The following CDH23 variants were observed in gnomAD, a reference collection of about 807,000 sequenced individuals.
CDH23 encodes cadherin-23.
Under a neutral mutation model 317.1 loss-of-function variants are expected in CDH23, and 189 were observed. The observed-to-expected ratio is 0.60, with a 90% CI of 0.53 to 0.67. CDH23 has a LOEUF of 0.67. Among genes scored for constraint, CDH23 ranks in the 30% least tolerant of loss-of-function variants. The probability of loss-of-function intolerance (pLI) is 0.00; values close to 1 mark genes in which losing one functional copy is unlikely to be tolerated. For missense variants in CDH23, 4,401 were observed against 4,592.4 expected, an observed-to-expected ratio of 0.96 and a Z score of 1.20; for synonymous variants, 1,839 against 1,876.8, an observed-to-expected ratio of 0.98 and a Z score of 0.52.
intron 9 of CDH23, among the ~76,000 whole-genome samples, chr10:71,597,964 G>A (rs537955477): frequency 1.3e-5 from 2 of 152,284 alleles, no homozygotes; most frequent in South Asian, 4.1e-4. Context: ...GGAGGGGAGG[G>A]CCTGGCCATA....
intron 33 of CDH23, 111 bp from the exon 34 acceptor site, chr10:71,734,545 G>T (rs759770181): frequency 6.2e-7 from 1 of 1,605,808 alleles, no homozygotes; most frequent in East Asian, 2.2e-5. Context: ...GTGGAGGGTG[G>T]CACCTCCAGA....
In CDH23 at chr10:71,471,502, T is replaced by C. The variant is rs573000296; in HGVS notation, c.145+25107T>C. ...CCTTTATGTGCTCTCTGTGGTGCGA[T>C]TTCCCTCATATTTGCTTTATGACCA... On this transcript the variant is annotated intron_variant, in intron 3 of 69. Coordinates refer to ENST00000224721, the MANE Select transcript of CDH23 (RefSeq NM_022124.6). Among the ~76,000 whole-genome samples, 61 of 151,130 alleles carry C rather than the reference T, an allele frequency of 4.0e-4. 1 individual carries two copies. The South Asian group carries it at 0.013, about 32-fold the overall frequency.
chr10:71,464,492 C>A (rs1851153634), intron 3 of CDH23, among the ~76,000 whole-genome samples: 1 of 152,222 alleles, frequency 6.6e-6, no homozygotes, highest in Non-Finnish European at 1.5e-5. Flanking sequence ...TGCTGCACTT[C>A]CTGGATGCTC....
chr10:71,787,942 T>C (rs1841148372), intron 44 of CDH23, among the ~76,000 whole-genome samples: 1 of 152,272 alleles, frequency 6.6e-6, no homozygotes, highest in Admixed American at 6.5e-5. Context: ...TAATTCTGTC[T>C]TTAGTTCTTT....
At chr10:71,809,673 G>T (rs1232505523) in intron 60 of CDH23, 147 bp from the exon 61 acceptor site, 33 of 1,120,292 alleles carry the variant, frequency 2.9e-5, no homozygotes, top group Non-Finnish European at 3.7e-5. Context: ...GTTCCCACTT[G>T]CCTGTCACCT....
intron 14 of CDH23, among the ~76,000 whole-genome samples, chr10:71,667,842 G>T (rs1265332796): frequency 1.3e-5 from 2 of 152,134 alleles, no homozygotes; most frequent in Non-Finnish European, 2.9e-5. Context: ...GCACCAGAGG[G>T]CCGGGAGCTG....
At chr10:71,658,673 T>A (rs1863518991) in intron 14 of CDH23, among the ~76,000 whole-genome samples, 1 of 152,206 alleles carries the variant, frequency 6.6e-6, no homozygotes, top group Admixed American at 6.5e-5. Flanking sequence ...CTGTCTCTTC[T>A]GTACCCATTG....
chr10:71,648,970 G>A (rs1360262203), intron 14 of CDH23, among the ~76,000 whole-genome samples: 6 of 152,302 alleles, frequency 3.9e-5, no homozygotes, highest in East Asian at 3.9e-4. Flanking sequence ...TGGGGACCCC[G>A]CGTGCTGGCC....
rs368064278 is a variant in CDH23 at position 71,734,276 on chromosome 10, A to G, written c.4141A>G (p.Lys1381Glu). 3 of 1,612,482 alleles carry G rather than the reference A, an allele frequency of 1.9e-6. No homozygotes were observed. ...ITVQGLVDRE[K>E]GDFYTLTVVA... ...AGTCCAGGGCCTGGTGGACCGTGAG[A>G]AGGGCGACTTCTATACCTTGACAGT... Residue 1381 changes from lysine to glutamate, a missense_variant, in exon 33 of 70, where the codon AAG (lysine) becomes GAG (glutamate). Coordinates refer to ENST00000224721, the MANE Select transcript of CDH23 (RefSeq NM_022124.6).
intron 14 of CDH23, among the ~76,000 whole-genome samples, chr10:71,651,592 G>T (rs1438223240): frequency 6.6e-6 from 1 of 151,624 alleles, no homozygotes; most frequent in Non-Finnish European, 1.5e-5. Flanking sequence ...AACAGCATGT[G>T]CAAAGGCCCC....
intron 22 of CDH23, among the ~76,000 whole-genome samples, chr10:71,700,886 G>C (rs901279424): frequency 3.9e-5 from 6 of 152,204 alleles, no homozygotes; most frequent in Non-Finnish European, 7.4e-5. Context: ...CTCTGGCTGG[G>C]GATTAAGCAG....
At chr10:71,582,887 C>A (rs1244189731) in intron 9 of CDH23, among the ~76,000 whole-genome samples, 2 of 152,180 alleles carry the variant, frequency 1.3e-5, no homozygotes, top group Non-Finnish European at 1.5e-5. Flanking sequence ...AGCTTTAATA[C>A]CTCGGTGGAA....
At chr10:71,414,047 T>TTTTGTG in intron 1 of CDH23, among the ~76,000 whole-genome samples, 1 of 142,994 alleles carries the variant, frequency 7.0e-6, no homozygotes, top group Middle Eastern at 3.6e-3. Context: ...CTCCTGGGTT[T>TTTTGTG]TGTGTGTGTG....
chr10:71,791,055 C>T, intron 46 of CDH23, 77 bp from the exon 47 acceptor site: 2 of 1,135,590 alleles, frequency 1.8e-6, no homozygotes, highest in Non-Finnish European at 2.5e-6. Context: ...TCTGCTCTCT[C>T]CCTGTTGGTT....
intron 44 of CDH23, among the ~76,000 whole-genome samples, chr10:71,786,499 T>C (rs2132941851): frequency 6.8e-6 from 1 of 147,226 alleles, no homozygotes; most frequent in Non-Finnish European, 1.5e-5. Flanking sequence ...TTTTTTTTTT[T>C]TTTTTTTTTT....
chr10:71,460,129 C>G (rs1474323256), intron 3 of CDH23, among the ~76,000 whole-genome samples: 1 of 152,256 alleles, frequency 6.6e-6, no homozygotes, highest in East Asian at 1.9e-4. Context: ...AGCTGCTGAG[C>G]TGAATTCAAG....
intron 9 of CDH23, among the ~76,000 whole-genome samples, chr10:71,591,285 G>A (rs1301308097): frequency 2.6e-5 from 4 of 152,180 alleles, no homozygotes; most frequent in Non-Finnish European, 5.9e-5. Flanking sequence ...GCATGGATGG[G>A]GCGTGAAATA....
At chr10:71,618,912 A>G (rs1861331709) in intron 11 of CDH23, among the ~76,000 whole-genome samples, 1 of 152,224 alleles carries the variant, frequency 6.6e-6, no homozygotes, top group Admixed American at 6.5e-5. Flanking sequence ...TCTGTCTGAG[A>G]TAACTAAAGT....
At chr10:71,438,917 G>A (rs1849745219) in intron 1 of CDH23, among the ~76,000 whole-genome samples, 1 of 152,232 alleles carries the variant, frequency 6.6e-6, no homozygotes, top group Admixed American at 6.5e-5. Context: ...CAGTTCTGTA[G>A]GAGGTTAGGA....
Sources: allele counts gnomAD v4.1 joint callset (sites outside exome capture counted in the v4.1 genomes callset), GRCh38; gene constraint gnomAD v4.1.1; transcripts MANE v1.5; gene names NCBI Gene and HGNC (gene_info 2026-07-23, HGNC 2026-07-21).